Variants in RHD observed in about 807,000 individuals in gnomAD.
The protein encoded by RHD is blood group Rh(D) polypeptide.
Under a neutral mutation model 45.5 loss-of-function variants are expected in RHD, and 16 were observed. The ratio of observed to expected loss-of-function variants is 0.35; its 90% CI spans 0.24 to 0.53. The LOEUF is 0.53. Among genes scored for constraint, RHD ranks in the 20% least tolerant of loss-of-function variants. The pLI, the probability that RHD is intolerant of heterozygous loss-of-function variation, is 0.92. For synonymous variants in RHD, 131 were observed against 217.5 expected, an observed-to-expected ratio of 0.60 and a Z score of 3.50; for missense variants, 306 against 532.0, an observed-to-expected ratio of 0.58 and a Z score of 4.18.
intron 9 of RHD, among the ~76,000 whole-genome samples, chr1:25,323,585 G>A (rs1254628587): frequency 1.6e-5 from 2 of 124,614 alleles, no homozygotes; most frequent in East Asian, 4.0e-4. Context: ...TCAGCCTCCT[G>A]AGTAGCTAGG....
chr1:25,319,119 C>T (rs1187582527), intron 8 of RHD, among the ~76,000 whole-genome samples: 1 of 132,310 alleles, frequency 7.6e-6, no homozygotes, highest in Non-Finnish European at 1.8e-5. Context: ...CAACCCTGTC[C>T]TGGGACTCAC....
rs1178099564 is a variant in RHD at position 25,315,164 on chromosome 1, T to A, written c.1074-1836T>A. 4.7e-5 allele frequency among the ~76,000 whole-genome samples: 6 copies of A among 128,176 alleles called. 1 individual carries two copies. The highest frequency in any genetic ancestry group is 7.3e-5 in the Non-Finnish European group (4 of 54,778). The allele number at this position is 128,176 out of a possible 152,430, so 84.1% of individuals were successfully genotyped here. On this transcript the variant is annotated intron_variant, in intron 7 of 9. Coordinates refer to ENST00000328664, the MANE Select transcript of RHD (RefSeq NM_016124.6). Reference sequence around the variant, plus strand: ...AGCAAGACTCCATCTCAAAAAAAAATTTTTTTTGCAAGGTCATGCATATGT... The same window carrying A: ...AGCAAGACTCCATCTCAAAAAAAAAATTTTTTTGCAAGGTCATGCATATGT...
intron 7 of RHD, among the ~76,000 whole-genome samples, chr1:25,311,773 A>G (rs1412931079): frequency 7.6e-6 from 1 of 131,026 alleles, no homozygotes; most frequent in Non-Finnish European, 1.8e-5. Flanking sequence ...GCTGTGGTTC[A>G]GGTGGCCACA....
At position 25,277,671 on chromosome 1, in the gene RHD, T is replaced by C. The variant is rs539701129; in HGVS notation, c.148+4976T>C. On this transcript the variant is annotated intron_variant, in intron 1 of 9. Coordinates refer to ENST00000328664, the MANE Select transcript of RHD (RefSeq NM_016124.6). ...TGACACACATAAAGAGTATTAGCTT[T>C]TATTATCAAAAGCTTTTTTTTTGAG... 1.2e-3 allele frequency among the ~76,000 whole-genome samples: 149 copies of C among 128,936 alleles called. 22 individuals are homozygous for C. Among genetic ancestry groups the C allele is most frequent in the African/African-American group, 3.7e-3 (142 of 38,028 alleles). The allele number at this position is 128,936 out of a possible 152,430, so 84.6% of individuals were successfully genotyped here. A position where few individuals can be genotyped will look rare whatever the true frequency, so the allele number is the denominator to read the frequency against.
In RHD at chr1:25,287,419, C is replaced by T. The variant is rs1350060091; in HGVS notation, c.335+2660C>T. 1.5e-5 allele frequency among the ~76,000 whole-genome samples: 2 copies of T among 135,430 alleles called. 1 individual carries two copies. Among genetic ancestry groups the T allele is most frequent in the African/African-American group, 5.1e-5 (2 of 39,306 alleles). 88.8% of individuals were successfully genotyped at this position (135,430 alleles called of 152,430 possible). A position where few individuals can be genotyped will look rare whatever the true frequency, so the allele number is the denominator to read the frequency against. ...GTGAACTCCCCTGCCCCACCCCTGA[C>T]TGCTTGGATCCCCCTAGGGGTGACC... On this transcript the variant is annotated intron_variant, in intron 2 of 9. Coordinates refer to ENST00000328664, the MANE Select transcript of RHD (RefSeq NM_016124.6).
Position 25,276,935 on chromosome 1 carries a change from C to T in RHD, c.148+4240C>T, listed in dbSNP as rs1400249347. On this transcript the variant is annotated intron_variant, in intron 1 of 9. Transcript: ENST00000328664. The stretch of plus-strand genomic sequence containing the variant: ...CAAAAAAATTAGCCGGGTGTGGTGG[C>T]GGGTGCCTGTAGTCCCAGCTACTTG... 2.3e-5 allele frequency among the ~76,000 whole-genome samples: 3 copies of T among 130,470 alleles called. 1 individual carries two copies. The highest frequency in any genetic ancestry group is 1.5e-4 in the Admixed American group (2 of 13,402). 85.6% of individuals were successfully genotyped at this position (130,470 alleles called of 152,430 possible). A position where few individuals can be genotyped will look rare whatever the true frequency, so the allele number is the denominator to read the frequency against.
At chr1:25,290,519 C>T in intron 2 of RHD, 122 bp from the exon 3 acceptor site, 2 of 908,222 alleles carry the variant, frequency 2.2e-6, no homozygotes, top group South Asian at 2.9e-5. Flanking sequence ...TCTTCTATTC[C>T]CACAGAAAGT....
Position 25,301,658 on chromosome 1 carries a change from T to C in RHD, c.773T>C (p.Leu258Ser). 1 of 1,380,218 alleles carries C rather than the reference T, an allele frequency of 7.2e-7. No individual in the cohort carries two copies. Among genetic ancestry groups the C allele is most frequent in the Non-Finnish European group, 1.0e-6 (1 of 979,110 alleles). 85.5% of individuals were successfully genotyped at this position (1,380,218 alleles called of 1,614,324 possible). Residue 258 changes from leucine to serine, a missense_variant, in exon 5 of 10, where the codon TTG becomes TCG. Physicochemically the swap from Leu to Ser is moderately radical, Grantham distance 145 (BLOSUM62 -2). Transcript: ENST00000328664. ...GTGACAGCCATCTCAGGGTCATCCT[T>C]GGCTCACCCCCAAGGGAAGATCAGC... ...SVVTAISGSS[L>S]AHPQGKISKT...
intron 1 of RHD, among the ~76,000 whole-genome samples, chr1:25,277,053 C>T (rs187503688): frequency 0.013 from 1,707 of 131,542 alleles, 266 homozygotes; most frequent in African/African-American, 0.04. Flanking sequence ...GGCAACAGAG[C>T]GAGACTCCGT....
chr1:25,302,037 C>T (rs539527100), intron 5 of RHD, among the ~76,000 whole-genome samples: 2 of 130,646 alleles, frequency 1.5e-5, no homozygotes, highest in African/African-American at 2.6e-5. Context: ...CAGCCTCTCT[C>T]TTCCCCCCAA....
intron 6 of RHD, among the ~76,000 whole-genome samples, chr1:25,306,082 G>GT (rs1338768386): frequency 1.5e-5 from 2 of 131,854 alleles, no homozygotes; most frequent in African/African-American, 5.2e-5. Context: ...CAGCTGTGTT[G>GT]TCTTTGGGAT....
chr1:25,306,382 T>C (rs1643837033), intron 6 of RHD, among the ~76,000 whole-genome samples: 1 of 131,700 alleles, frequency 7.6e-6, no homozygotes, highest in Non-Finnish European at 1.8e-5. Flanking sequence ...GAAATGCTGT[T>C]AGACCCCACC....
At position 25,329,234 on chromosome 1, in the gene RHD, C is replaced by CTTTT. The variant is rs1186389627; in HGVS notation, c.*312_*313insTTTT. 51 of 331,334 alleles carry CTTTT rather than the reference C, an allele frequency of 1.5e-4. No homozygotes were observed. Among genetic ancestry groups the CTTTT allele is most frequent in the Non-Finnish European group, 1.7e-4 (31 of 180,144 alleles). The allele number at this position is 331,334 out of a possible 1,614,324, so 20.5% of individuals were successfully genotyped here. ...AGCTAAGGTTAATTTATTATTATTC[C>CTTTT]TTGTTTTTTTTTTTTTTTTTTTTTT... On this transcript the variant is annotated 3_prime_UTR_variant, in exon 10 of 10. Coordinates refer to ENST00000328664, the MANE Select transcript of RHD (RefSeq NM_016124.6).
intron 8 of RHD, among the ~76,000 whole-genome samples, chr1:25,318,739 G>T (rs1571744407): frequency 7.5e-6 from 1 of 132,824 alleles, no homozygotes; most frequent in African/African-American, 2.6e-5. Context: ...ACTATGAGTT[G>T]TGTGACGTTG....
intron 3 of RHD, 80 bp downstream of exon 3, chr1:25,290,871 A>T: frequency 7.8e-7 from 1 of 1,284,366 alleles, no homozygotes; most frequent in Non-Finnish European, 1.1e-6. Context: ...GGGTTTTGAA[A>T]AATAAAGACA....
chr1:25,289,468 T>C (rs1642313317), intron 2 of RHD, among the ~76,000 whole-genome samples: 1 of 132,228 alleles, frequency 7.6e-6, no homozygotes, highest in Admixed American at 7.4e-5. Flanking sequence ...GTGCTGGGAG[T>C]ACAGGCATGA....
rs1417689767 is a variant in RHD at position 25,293,458 on chromosome 1, T to C, written c.486+2667T>C. Among the ~76,000 whole-genome samples the C allele has an allele frequency of 1.1e-4, 15 of 131,056 alleles. 3 individuals are homozygous for C. The highest frequency in any genetic ancestry group is 3.9e-4 in the African/African-American group (15 of 38,444). The allele number at this position is 131,056 out of a possible 152,430, so 86.0% of individuals were successfully genotyped here. ...GGAAATAACAATTTATTACTTATAG[T>C]TTTATATTTGTGGACAGATTGTTTT... On this transcript the variant is annotated intron_variant, in intron 3 of 9. Coordinates refer to ENST00000328664, the MANE Select transcript of RHD (RefSeq NM_016124.6).
chr1:25,304,770 T>C (rs1643666396), intron 6 of RHD: 1 of 131,394 alleles, frequency 7.6e-6, no homozygotes, highest in Admixed American at 7.4e-5. Context: ...AAATCTGATT[T>C]TCATCTTTGC....
In RHD at chr1:25,284,779, A is replaced by G; in HGVS notation, c.335+20A>G. 7.2e-7 allele frequency: 1 copy of G among 1,386,272 alleles called. No homozygotes were observed. The highest frequency in any genetic ancestry group is 2.2e-5 in the East Asian group (1 of 44,708). 85.9% of individuals were successfully genotyped at this position (1,386,272 alleles called of 1,614,324 possible). A position where few individuals can be genotyped will look rare whatever the true frequency, so the allele number is the denominator to read the frequency against. On this transcript the variant is annotated intron_variant, in intron 2 of 9. Coordinates refer to ENST00000328664, the MANE Select transcript of RHD (RefSeq NM_016124.6). The stretch of plus-strand genomic sequence containing the variant: ...GTTCAGGTATTGGGATGGTGGCTGG[A>G]TCACTTCTGGGTCATAGAGGGAATG...
Sources: gnomAD v4.1 joint callset for allele counts (sites outside exome capture counted in the v4.1 genomes callset) on GRCh38, gnomAD v4.1.1 for gene constraint, MANE v1.5 for transcripts, NCBI Gene and HGNC (gene_info 2026-07-23, HGNC 2026-07-21) for gene names.